The following BBS9 variants were observed in gnomAD, a reference collection of about 807,000 sequenced individuals.
The protein encoded by BBS9 is Bardet-Biedl syndrome 9, also known as protein PTHB1.
Under a neutral mutation model 117.7 loss-of-function variants are expected in BBS9, and 89 were observed. The observed-to-expected ratio is 0.76, with a 90% CI of 0.64 to 0.90. The LOEUF (loss-of-function observed/expected upper bound fraction) is 0.90, where lower values mean the gene tolerates loss of function less well. Ranked by LOEUF, BBS9 falls within the 40% of genes least tolerant of loss-of-function variation. BBS9 has a pLI of 0.00. For missense variants in BBS9, 982 were observed against 1,042.2 expected (o/e 0.94, Z 0.80); for synonymous variants, 379 against 370.9 (o/e 1.02, Z -0.25).
At chr7:33,352,675 G>C (rs2128671002) in intron 14 of BBS9, among the ~76,000 whole-genome samples, 184 bp from the exon 15 acceptor site, 1 of 152,124 alleles carries the variant, frequency 6.6e-6, no homozygotes, top group Admixed American at 6.5e-5. Flanking sequence ...TCATTTATTT[G>C]TGTTATACTC....
intron 17 of BBS9, among the ~76,000 whole-genome samples, chr7:33,372,315 T>C (rs1474949645): frequency 6.6e-6 from 1 of 152,184 alleles, no homozygotes; most frequent in East Asian, 1.9e-4. Flanking sequence ...TGTATTGAGG[T>C]ACATTCCTTG....
At chr7:33,388,966 A>G (rs1434283683) in intron 19 of BBS9, among the ~76,000 whole-genome samples, 5 of 152,130 alleles carry the variant, frequency 3.3e-5, no homozygotes, top group African/African-American at 9.7e-5. Context: ...TTTAATTGAG[A>G]TAATTCTATA....
chr7:33,413,216 T>C (rs939349723), intron 19 of BBS9, among the ~76,000 whole-genome samples: 3 of 152,190 alleles, frequency 2.0e-5, no homozygotes, highest in African/African-American at 7.2e-5. Flanking sequence ...ATCCTTGCAG[T>C]CTCACTCCTA....
intron 5 of BBS9, among the ~76,000 whole-genome samples, chr7:33,236,540 T>A (rs1273189475): frequency 6.6e-6 from 1 of 151,920 alleles, no homozygotes; most frequent in Non-Finnish European, 1.5e-5. Context: ...TGTCTTTCTA[T>A]GGCAATATAT....
chr7:33,538,931 A>G (rs1446907435), intron 21 of BBS9, among the ~76,000 whole-genome samples: 3 of 152,200 alleles, frequency 2.0e-5, no homozygotes, highest in Non-Finnish European at 4.4e-5. Flanking sequence ...AACTATAAGT[A>G]GGAAAAATAA....
intron 13 of BBS9, among the ~76,000 whole-genome samples, chr7:33,349,525 C>T (rs535258584): frequency 2.0e-5 from 3 of 152,264 alleles, no homozygotes; most frequent in East Asian, 3.9e-4. Flanking sequence ...GCTTCGACTT[C>T]CTGGGCTCAA....
chr7:33,505,407 G>A (rs1846011838), intron 19 of BBS9, 56 bp from the exon 20 acceptor site: 1 of 1,565,606 alleles, frequency 6.4e-7, no homozygotes, highest in Non-Finnish European at 8.8e-7. Context: ...GACATAATTT[G>A]TTGAGGGCTC....
intron 21 of BBS9, among the ~76,000 whole-genome samples, chr7:33,589,295 G>A (rs1020208880): frequency 1.3e-5 from 2 of 152,116 alleles, no homozygotes; most frequent in African/African-American, 2.4e-5. Flanking sequence ...GATGAGTTAC[G>A]TCCCATGCAG....
At chr7:33,584,163 C>T (rs1860490408) in intron 21 of BBS9, among the ~76,000 whole-genome samples, 1 of 151,984 alleles carries the variant, frequency 6.6e-6, no homozygotes, top group Admixed American at 6.6e-5. Flanking sequence ...TATTTTTATA[C>T]TTATATTTTA....
intron 17 of BBS9, among the ~76,000 whole-genome samples, chr7:33,377,484 G>A (rs575942295): frequency 9.9e-5 from 15 of 152,192 alleles, no homozygotes; most frequent in African/African-American, 3.6e-4. Context: ...TTTTGCCTAG[G>A]CTTACCTTGG....
At chr7:33,534,471 T>A (rs951285117) in intron 21 of BBS9, 11 of 455,060 alleles carry the variant, frequency 2.4e-5, no homozygotes, top group African/African-American at 2.2e-4. Context: ...AGATAAACTA[T>A]TTTTAAGAAA....
In BBS9 at chr7:33,505,539, C is replaced by T; in HGVS notation, c.2192C>T (p.Thr731Ile). ...FQSFTRLKSA[T>I]HLVILLIALW... is the part of the protein sequence containing the mutation. ...TCATTCACCAGGCTGAAGAGTGCCA[C>T]CCATTTGGTGATTCTGCTGATCGCG... is the stretch of plus-strand genomic sequence containing the variant. Residue 731 changes from threonine to isoleucine, a missense_variant, in exon 20 of 23, where the codon ACC (threonine) becomes ATC (isoleucine). Coordinates refer to ENST00000242067, the MANE Select transcript of BBS9 (RefSeq NM_198428.3). 6.2e-7 allele frequency: 1 copy of T among 1,614,148 alleles called. No homozygotes were observed. The highest frequency in any genetic ancestry group is 8.5e-7 in the Non-Finnish European group (1 of 1,179,988).
intron 5 of BBS9, among the ~76,000 whole-genome samples, chr7:33,201,899 C>T (rs542618978): frequency 2.6e-5 from 4 of 152,218 alleles, no homozygotes; most frequent in African/African-American, 9.6e-5. Flanking sequence ...TATTTTCTGT[C>T]CTGTGTGAAA....
chr7:33,476,519 C>T (rs1016887062), intron 19 of BBS9, among the ~76,000 whole-genome samples: 8 of 152,202 alleles, frequency 5.3e-5, no homozygotes, highest in Non-Finnish European at 8.8e-5. Flanking sequence ...CTCCTTGGCT[C>T]CAACCACCTT....
chr7:33,268,305 A>T (rs558181288), intron 7 of BBS9, among the ~76,000 whole-genome samples: 2 of 152,216 alleles, frequency 1.3e-5, no homozygotes, highest in Non-Finnish European at 2.9e-5. Context: ...GTCTGTATGC[A>T]GCATTTATAT....
rs1039442148 is a variant in BBS9 at position 33,334,399 on chromosome 7, C to CG, written c.1017-2042_1017-2041insG. ...ATCTCACATTCTCTGAGAAGCCCCC[C>CG]CCAGAGGTCTGCGCTTTAGCACCCT... On this transcript the variant is annotated intron_variant, in intron 9 of 22. Coordinates refer to ENST00000242067, the MANE Select transcript of BBS9 (RefSeq NM_198428.3). Among the ~76,000 whole-genome samples, 6 of 152,110 alleles carry CG rather than the reference C, an allele frequency of 3.9e-5. No individual in the cohort carries two copies. In the South Asian group the frequency reaches 1.2e-3, roughly 32 times the overall value.
rs1459103220 is a variant in BBS9, at chr7:33,455,347, A to G, written c.2116-50116A>G. Reference sequence around the variant, plus strand: ...AGGAAACCTCAGTTTCTGAGATGAGATAGCGATTCTGGGCTACTGCTGTCC... The same window carrying G: ...AGGAAACCTCAGTTTCTGAGATGAGGTAGCGATTCTGGGCTACTGCTGTCC... On this transcript the variant is annotated intron_variant, in intron 19 of 22. Transcript: ENST00000242067. 2.0e-5 allele frequency among the ~76,000 whole-genome samples: 3 copies of G among 152,258 alleles called. No individual in the cohort carries two copies. The South Asian group carries it at 6.2e-4, about 32-fold the overall frequency.
At chr7:33,500,156 A>G (rs1017765183) in intron 19 of BBS9, among the ~76,000 whole-genome samples, 4 of 152,252 alleles carry the variant, frequency 2.6e-5, no homozygotes, top group African/African-American at 9.6e-5. Flanking sequence ...TGCAGAAACC[A>G]GCCAATTTGA....
At chr7:33,218,403 C>T (rs1583683367) in intron 5 of BBS9, among the ~76,000 whole-genome samples, 1 of 152,174 alleles carries the variant, frequency 6.6e-6, no homozygotes, top group Non-Finnish European at 1.5e-5. Flanking sequence ...ATTTGCCTGA[C>T]CCTGTCATTG....
Sources: gnomAD v4.1 joint callset for allele counts (sites outside exome capture counted in the v4.1 genomes callset) on GRCh38, gnomAD v4.1.1 for gene constraint, MANE v1.5 for transcripts, NCBI Gene and HGNC (gene_info 2026-07-23, HGNC 2026-07-21) for gene names.